The following ANKRD30BL variants were observed in gnomAD, a reference collection of about 807,000 sequenced individuals.
ANKRD30BL encodes the protein ankyrin repeat domain 30B like.
In ANKRD30BL, 20 loss-of-function variants were observed where a neutral mutation model predicts 18.4. The observed-to-expected ratio is 1.09, with a 90% CI of 0.77 to 1.58. ANKRD30BL has a LOEUF of 1.58. ANKRD30BL is among the 40% of genes most tolerant of loss of function. The pLI is 0.00. For synonymous variants in ANKRD30BL, 72 were observed against 100.9 expected (o/e 0.71, Z 1.72); for missense variants, 224 against 268.6 (o/e 0.83, Z 1.16).
intron 1 of ANKRD30BL, among the ~76,000 whole-genome samples, chr2:132,186,407 C>T (rs1397130879): frequency 2.6e-5 from 4 of 152,062 alleles, no homozygotes; most frequent in Non-Finnish European, 1.5e-5. Flanking sequence ...TATATGTTTA[C>T]TATATTCTAA....
intron 1 of ANKRD30BL, among the ~76,000 whole-genome samples, chr2:132,173,864 T>A (rs531463942): frequency 3.3e-5 from 5 of 152,320 alleles, no homozygotes; most frequent in African/African-American, 1.2e-4. Context: ...CAGAATGTCC[T>A]AATTTTTTCT....
At chr2:132,152,083 C>G (rs1173074875) in intron 4 of ANKRD30BL, 1 of 152,172 alleles carries the variant, frequency 6.6e-6, no homozygotes, top group Non-Finnish European at 1.5e-5. Flanking sequence ...CACACAAGAT[C>G]CTATGTGTTA....
At chr2:132,201,902 A>C (rs531648385) in intron 1 of ANKRD30BL, among the ~76,000 whole-genome samples, 1 of 152,250 alleles carries the variant, frequency 6.6e-6, no homozygotes, top group African/African-American at 2.4e-5. Context: ...CAAATGTCCA[A>C]TAATGATAGA....
chr2:132,249,056 C>T (rs999120729), intron 1 of ANKRD30BL, among the ~76,000 whole-genome samples: 1 of 151,392 alleles, frequency 6.6e-6, no homozygotes, highest in South Asian at 2.1e-4. Flanking sequence ...GAAACGTTTA[C>T]CTCTGTGAGA....
At chr2:132,235,061 T>C (rs1394251228) in intron 1 of ANKRD30BL, among the ~76,000 whole-genome samples, 2 of 152,098 alleles carry the variant, frequency 1.3e-5, no homozygotes, top group Non-Finnish European at 2.9e-5. Flanking sequence ...TAATCCAGCA[T>C]ATAAACAGAG....
intron 1 of ANKRD30BL, among the ~76,000 whole-genome samples, chr2:132,181,668 T>A (rs1477657669): frequency 6.6e-6 from 1 of 152,206 alleles, no homozygotes; most frequent in Non-Finnish European, 1.5e-5. Flanking sequence ...ACAACCCTTT[T>A]AAAAAGCCAT....
chr2:132,219,331 C>T (rs1429978626), intron 1 of ANKRD30BL, among the ~76,000 whole-genome samples: 1 of 152,016 alleles, frequency 6.6e-6, no homozygotes, highest in African/African-American at 2.4e-5. Context: ...AATCACTAGA[C>T]AGAAGCTTTC....
At position 132,222,832 on chromosome 2, in the gene ANKRD30BL, T is replaced by TAAAAAAAAAAAAA. The variant is rs71001178; in HGVS notation, n.441+34684_441+34696dup. Among the ~76,000 whole-genome samples, 30 of 52,806 alleles carry TAAAAAAAAAAAAA rather than the reference T, an allele frequency of 5.7e-4. 5 individuals are homozygous for TAAAAAAAAAAAAA. The highest frequency in any genetic ancestry group is 1.1e-3 in the East Asian group (1 of 946). The allele number at this position is 52,806 out of a possible 152,430, so 34.6% of individuals were successfully genotyped here. A position where few individuals can be genotyped will look rare whatever the true frequency, so the allele number is the denominator to read the frequency against. On this transcript the variant is annotated intron_variant and non_coding_transcript_variant, in intron 1 of 4. Coordinates refer to the ANKRD30BL transcript ENST00000470729. Reference sequence around the variant, plus strand: ...GTGAGAAACAGCCAAGAATGATCAATAAAAAAAAAAAAAAAAAAAAAAAAA... The same window carrying TAAAAAAAAAAAAA: ...GTGAGAAACAGCCAAGAATGATCAATAAAAAAAAAAAAAAAAAAAAAAAAAAAAAAAAAAAAAA...
At chr2:132,178,339 T>C (rs558477016) in intron 1 of ANKRD30BL, among the ~76,000 whole-genome samples, 145 of 152,274 alleles carry the variant, frequency 9.5e-4, no homozygotes, top group Non-Finnish European at 1.6e-3. Flanking sequence ...CCAATAAAGG[T>C]TCAGGGACAT....
At chr2:132,252,756 AGAC>A (rs985273902) in intron 1 of ANKRD30BL, among the ~76,000 whole-genome samples, 1 of 151,236 alleles carries the variant, frequency 6.6e-6, no homozygotes, top group African/African-American at 2.4e-5. Flanking sequence ...CGACGACGTG[AGAC>A]GACGACGGCA....
At chr2:132,200,602 T>G (rs1280410421) in intron 1 of ANKRD30BL, among the ~76,000 whole-genome samples, 1 of 152,138 alleles carries the variant, frequency 6.6e-6, no homozygotes, top group African/African-American at 2.4e-5. Flanking sequence ...GTGAAGTACC[T>G]CTTCAAGGAG....
intron 1 of ANKRD30BL, among the ~76,000 whole-genome samples, chr2:132,231,883 G>A (rs1573871523): frequency 1.3e-5 from 2 of 152,244 alleles, no homozygotes; most frequent in South Asian, 2.1e-4. Context: ...ACCTCTGGGG[G>A]AAGGGCACAG....
At chr2:132,191,849 A>C (rs1386128370) in intron 1 of ANKRD30BL, among the ~76,000 whole-genome samples, 1 of 145,542 alleles carries the variant, frequency 6.9e-6, no homozygotes, top group Non-Finnish European at 1.5e-5. Flanking sequence ...TCATGCCATT[A>C]TCCTGCCTCA....
chr2:132,228,917 C>T (rs1321768625), intron 1 of ANKRD30BL, among the ~76,000 whole-genome samples: 6 of 151,336 alleles, frequency 4.0e-5, no homozygotes, highest in Non-Finnish European at 7.4e-5. Flanking sequence ...GGCTTTGAGG[C>T]CTATGGTGGA....
intron 4 of ANKRD30BL, chr2:132,153,527 C>T (rs557446241): frequency 1.4e-4 from 68 of 498,318 alleles, no homozygotes; most frequent in African/African-American, 1.3e-3. Context: ...ACTATAAAAT[C>T]TCACCTAGCC....
intron 1 of ANKRD30BL, among the ~76,000 whole-genome samples, chr2:132,220,444 G>A (rs1449058524): frequency 1.1e-4 from 16 of 151,590 alleles, no homozygotes; most frequent in Admixed American, 2.0e-4. Flanking sequence ...CTGCGATCTC[G>A]GCTCACTGCA....
intron 1 of ANKRD30BL, among the ~76,000 whole-genome samples, chr2:132,221,354 G>C (rs1419447542): frequency 7.0e-6 from 1 of 142,952 alleles, no homozygotes; most frequent in Non-Finnish European, 1.5e-5. Context: ...CAGCCGCCCA[G>C]TCCGGGAGGG....
rs574737856 is a variant in ANKRD30BL at position 132,154,413 on chromosome 2, G to C, written c.614+249C>G. Reference sequence around the variant, plus strand: ...ACCACTTTAGCTAATAGAAGATAATGCAACCAAAAACATCAGATTAAAAAT... The same window carrying C: ...ACCACTTTAGCTAATAGAAGATAATCCAACCAAAAACATCAGATTAAAAAT... On this transcript the variant is annotated intron_variant, in intron 4 of 5. Coordinates refer to ENST00000409867, the MANE Select transcript of ANKRD30BL (RefSeq NM_001358416.1). 2.6e-5 allele frequency among the ~76,000 whole-genome samples: 4 copies of C among 152,292 alleles called. No homozygotes were observed. In the South Asian group the frequency reaches 6.2e-4, roughly 24 times the overall value.
intron 1 of ANKRD30BL, among the ~76,000 whole-genome samples, chr2:132,241,005 T>C (rs1332998835): frequency 6.6e-6 from 1 of 151,534 alleles, no homozygotes; most frequent in East Asian, 1.9e-4. Flanking sequence ...GGGAATATCT[T>C]CACATAAAAA....
Sources: gnomAD v4.1 joint callset for allele counts (sites outside exome capture counted in the v4.1 genomes callset) on GRCh38, gnomAD v4.1.1 for gene constraint, MANE v1.5 for transcripts, NCBI Gene and HGNC (gene_info 2026-07-23, HGNC 2026-07-21) for gene names.